ANK3: variants seen among roughly 807,000 people sequenced by gnomAD.
The protein encoded by ANK3 is ankyrin-3.
A neutral mutation model predicts 370.9 loss-of-function variants in ANK3; 57 were observed. The ratio of observed to expected loss-of-function variants is 0.15; its 90% confidence interval spans 0.12 to 0.19. ANK3 has a LOEUF of 0.19. Ranked by LOEUF, ANK3 falls within the 10% of genes least tolerant of loss-of-function variation. The pLI, the probability that ANK3 is intolerant of heterozygous loss-of-function variation, is 1.00. For missense variants in ANK3, 4,439 were observed against 5,302.1 expected, an observed-to-expected ratio of 0.84 and a Z score of 5.06; for synonymous variants, 1,929 against 1,946.3, an observed-to-expected ratio of 0.99 and a Z score of 0.23.
At chr10:60,703,306 T>C (rs2079569873) in intron 1 of ANK3, among the ~76,000 whole-genome samples, 1 of 152,210 alleles carries the variant, frequency 6.6e-6, no homozygotes, top group East Asian at 1.9e-4. Context: ...TTTAAATTTT[T>C]ATCTCTCAGA....
intron 1 of ANK3, among the ~76,000 whole-genome samples, chr10:60,646,708 CAAG>C (rs1465718598): frequency 6.6e-6 from 1 of 151,932 alleles, no homozygotes; most frequent in Non-Finnish European, 1.5e-5. Context: ...ACATTTAGCT[CAAG>C]AAGAAGAAGA....
chr10:60,081,949 C>T (rs533625607), intron 35 of ANK3: 64 of 410,664 alleles, frequency 1.6e-4, no homozygotes, highest in African/African-American at 9.5e-4. Context: ...ATTATAATTT[C>T]GTTGAATATA....
At chr10:60,415,079 C>G (rs1241423778) in intron 2 of ANK3, among the ~76,000 whole-genome samples, 2 of 152,124 alleles carry the variant, frequency 1.3e-5, no homozygotes, top group Non-Finnish European at 2.9e-5. Flanking sequence ...AGGGAGGCAG[C>G]AGGAGAAAGA....
chr10:60,562,551 C>A (rs10994416), intron 2 of ANK3, among the ~76,000 whole-genome samples: 31,114 of 151,962 alleles, frequency 0.2, 3,644 homozygotes, highest in South Asian at 0.38. Flanking sequence ...GTAGCTGGGA[C>A]TACAGGCTCA....
chr10:60,226,806 A>G (rs2097171602), intron 8 of ANK3, among the ~76,000 whole-genome samples: 1 of 147,840 alleles, frequency 6.8e-6, no homozygotes, highest in Admixed American at 7.0e-5. Flanking sequence ...TATAACAAGA[A>G]TTCTGCCATA....
chr10:60,321,139 C>T (rs759069979), intron 1 of ANK3, among the ~76,000 whole-genome samples: 1 of 151,850 alleles, frequency 6.6e-6, no homozygotes, highest in Non-Finnish European at 1.5e-5. Context: ...ACCTGTAATC[C>T]CAGCAATTTG....
chr10:60,547,870 T>C (rs2077003411), intron 2 of ANK3, among the ~76,000 whole-genome samples: 2 of 152,174 alleles, frequency 1.3e-5, no homozygotes, highest in Admixed American at 6.5e-5. Flanking sequence ...GCAAGCAATA[T>C]AGAAGGTTGT....
intron 16 of ANK3, among the ~76,000 whole-genome samples, chr10:60,191,833 TAA>T (rs2096487957): frequency 6.6e-6 from 1 of 152,226 alleles, no homozygotes; most frequent in Non-Finnish European, 1.5e-5. Flanking sequence ...CAAAGTCCTG[TAA>T]AATCAACCTT....
At chr10:60,725,331 C>A (rs553765990) in intron 1 of ANK3, among the ~76,000 whole-genome samples, 1 of 152,166 alleles carries the variant, frequency 6.6e-6, no homozygotes, top group Admixed American at 6.5e-5. Flanking sequence ...TCCCCTCCAC[C>A]ACTAATAACA....
chr10:60,254,624 G>A (rs2132617685), intron 7 of ANK3, among the ~76,000 whole-genome samples: 1 of 152,352 alleles, frequency 6.6e-6, no homozygotes, highest in East Asian at 1.9e-4. Flanking sequence ...CTACAGAGCT[G>A]AATGCAAAGT....
Position 60,553,953 on chromosome 10 carries a change from T to A in ANK3, c.96+61233A>T, listed in dbSNP as rs562819122. On this transcript the variant is annotated intron_variant, in intron 2 of 43. Transcript: ENST00000373827. ...GTTGTTTCGACCCATGCTAAGTTTT[T>A]AAATAAATATTAGTTTCAATATATC... is the stretch of plus-strand genomic sequence containing the variant. Among the ~76,000 whole-genome samples, 32 of 152,302 alleles carry A rather than the reference T, an allele frequency of 2.1e-4. No individual in the cohort carries two copies. The South Asian group carries it at 4.4e-3, about 21-fold the overall frequency.
chr10:60,043,631 A>T, intron 42 of ANK3: 1 of 985,432 alleles, frequency 1.0e-6, no homozygotes. Context: ...GAGAAAATGT[A>T]TGGATCCGAT....
At chr10:60,033,566 T>C (rs964920852) in intron 43 of ANK3, among the ~76,000 whole-genome samples, 18 of 151,200 alleles carry the variant, frequency 1.2e-4, no homozygotes, top group African/African-American at 4.4e-4. Flanking sequence ...CATTGGATTT[T>C]CATGGCAGCT....
At chr10:60,234,092 C>T (rs1234617805) in intron 8 of ANK3, among the ~76,000 whole-genome samples, 2 of 152,096 alleles carry the variant, frequency 1.3e-5, no homozygotes, top group Admixed American at 6.6e-5. Flanking sequence ...TTCTAAGGGC[C>T]GAATAATATT....
chr10:60,401,049 T>C (rs1257510449), intron 2 of ANK3, among the ~76,000 whole-genome samples: 2 of 152,198 alleles, frequency 1.3e-5, no homozygotes, highest in Non-Finnish European at 2.9e-5. Flanking sequence ...CATATATTCA[T>C]TCTAAAAATT....
chr10:60,200,279 G>C, intron 12 of ANK3, 52 bp from the exon 13 acceptor site: 1 of 1,414,564 alleles, frequency 7.1e-7, no homozygotes, highest in Non-Finnish European at 1.0e-6. Context: ...GAAGAGTAGT[G>C]TATTTTATTT....
At chr10:60,140,239 G>A in intron 23 of ANK3, 1 of 1,137,396 alleles carries the variant, frequency 8.8e-7, no homozygotes. Flanking sequence ...TTCTACTGCT[G>A]CTACCCAGTA....
chr10:60,203,193 A>C, intron 11 of ANK3, 93 bp from the exon 12 acceptor site: 2 of 765,314 alleles, frequency 2.6e-6, no homozygotes, highest in Non-Finnish European at 4.5e-6. Flanking sequence ...CCACCCATCT[A>C]AATCAGTTTA....
chr10:60,674,137 ATT>A (rs1169036654), intron 1 of ANK3, among the ~76,000 whole-genome samples: 1 of 152,104 alleles, frequency 6.6e-6, no homozygotes, highest in Non-Finnish European at 1.5e-5. Context: ...AAAGTTAAAT[ATT>A]GTGTCTTCAT....
Sources: gnomAD v4.1 joint callset for allele counts (sites outside exome capture counted in the v4.1 genomes callset) on GRCh38, gnomAD v4.1.1 for gene constraint, MANE v1.5 for transcripts, NCBI Gene and HGNC (gene_info 2026-07-23, HGNC 2026-07-21) for gene names.